The following CDK17 variants were observed in gnomAD, a reference collection of about 807,000 sequenced individuals.
CDK17 encodes cyclin dependent kinase 17, also known as cyclin-dependent kinase 17.
CDK17 carries 24 observed loss-of-function variants against 77.6 expected under a neutral mutation model. The ratio of observed to expected loss-of-function variants is 0.31; its 90% CI spans 0.22 to 0.44. CDK17 has a LOEUF of 0.44. CDK17 is among the 20% of genes least tolerant of loss of function. The probability of loss-of-function intolerance (pLI) is 1.00; values close to 1 mark genes in which losing one functional copy is unlikely to be tolerated. For synonymous variants in CDK17, 203 were observed against 210.4 expected (o/e 0.96, Z 0.30); for missense variants, 429 against 622.5 (o/e 0.69, Z 3.31).
chr12:96,316,746 CCTGT>C (rs1001414402), intron 3 of CDK17, among the ~76,000 whole-genome samples: 2 of 126,162 alleles, frequency 1.6e-5, no homozygotes, highest in African/African-American at 6.0e-5. Flanking sequence ...AGCTGAGGGT[CCTGT>C]CTGTTAGAAG....
rs146272543 is a variant in CDK17, at chr12:96,357,244, G to A, written c.-29-22379C>T. Among the ~76,000 whole-genome samples, 87 of 147,936 alleles carry A rather than the reference G, an allele frequency of 5.9e-4. No individual in the cohort carries two copies. In the East Asian group the frequency reaches 0.015, roughly 25 times the overall value. On this transcript the variant is annotated intron_variant, in intron 1 of 16. Transcript: ENST00000261211. ...TGGGAGGCTGAGGCAGGAGCATCTC[G>A]AGGCCAGGAGTTTGAGACTAGCCTA...
chr12:96,302,357 C>CG (rs1299429381), intron 5 of CDK17, among the ~76,000 whole-genome samples: 1 of 149,958 alleles, frequency 6.7e-6, no homozygotes, highest in Non-Finnish European at 1.5e-5. Flanking sequence ...ATCTTAAATA[C>CG]TTTACTCCAT....
Position 96,313,339 on chromosome 12 carries a change from A to G in CDK17, c.399T>C (p.His133=), listed in dbSNP as rs1250396685. 3 of 1,590,270 alleles carry G rather than the reference A, an allele frequency of 1.9e-6. No homozygotes were observed. The highest frequency in any genetic ancestry group is 2.6e-6 in the Non-Finnish European group (3 of 1,171,548). Residue 133 remains histidine, a synonymous_variant, in exon 4 of 17, where the codon CAT becomes CAC. Coordinates refer to ENST00000261211, the MANE Select transcript of CDK17 (RefSeq NM_002595.5). ...TGATTACCTCCATTGAGATCCGTCT[A>G]TGTATACGATTTCTGAGACAAACAC... is the stretch of plus-strand genomic sequence containing the variant. The part of the protein sequence containing the change: ...PTGVCLRNRI[H]RRISMEDLNK...
At chr12:96,301,241 CA>C (rs376295045) in intron 5 of CDK17, among the ~76,000 whole-genome samples, 412 of 85,562 alleles carry the variant, frequency 4.8e-3, no homozygotes, top group Non-Finnish European at 7.6e-3. Flanking sequence ...AACACTCGGC[CA>C]AAAAAAAAAA....
intron 5 of CDK17, among the ~76,000 whole-genome samples, chr12:96,302,396 A>C (rs1428270920): frequency 6.6e-6 from 1 of 152,132 alleles, no homozygotes; most frequent in Non-Finnish European, 1.5e-5. Context: ...AGATCACAGA[A>C]ACTAATAAAA....
At chr12:96,367,676 A>G (rs932790222) in intron 1 of CDK17, among the ~76,000 whole-genome samples, 3 of 152,122 alleles carry the variant, frequency 2.0e-5, no homozygotes, top group South Asian at 2.1e-4. Flanking sequence ...TGTGAGTCAC[A>G]GCAGAAGCAA....
At chr12:96,380,030 A>G (rs1326894959) in intron 1 of CDK17, among the ~76,000 whole-genome samples, 2 of 151,636 alleles carry the variant, frequency 1.3e-5, no homozygotes, top group Non-Finnish European at 2.9e-5. Flanking sequence ...TTAGCTGTGC[A>G]TGGTGGCACA....
intron 1 of CDK17, among the ~76,000 whole-genome samples, chr12:96,363,040 G>A (rs374811019): frequency 6.6e-6 from 1 of 152,056 alleles, no homozygotes; most frequent in African/African-American, 2.4e-5. Flanking sequence ...AATACTTGAA[G>A]GGACAAAGAT....
At chr12:96,353,605 C>CGGGGG (rs11369777) in intron 1 of CDK17, among the ~76,000 whole-genome samples, 1 of 140,938 alleles carries the variant, frequency 7.1e-6, no homozygotes, top group Admixed American at 7.7e-5. Flanking sequence ...TAAAAGGTGG[C>CGGGGG]GGGGGGGGGC....
At chr12:96,392,436 T>C (rs1954083779) in intron 1 of CDK17, among the ~76,000 whole-genome samples, 1 of 152,086 alleles carries the variant, frequency 6.6e-6, no homozygotes. Flanking sequence ...TAGATTAAAA[T>C]GGGACAAAAC....
At chr12:96,304,307 G>C (rs1952548316) in intron 5 of CDK17, among the ~76,000 whole-genome samples, 1 of 152,180 alleles carries the variant, frequency 6.6e-6, no homozygotes, top group Non-Finnish European at 1.5e-5. Flanking sequence ...CGGAGGCCGA[G>C]AAGGGCGGAT....
Position 96,280,254 on chromosome 12 carries a change from G to A in CDK17, c.1560C>T (p.Ser520=). The A allele has an allele frequency of 6.4e-7, 1 of 1,551,162 alleles. No homozygotes were observed. The highest frequency in any genetic ancestry group is 8.7e-7 in the Non-Finnish European group (1 of 1,146,712). Residue 520 remains serine, a synonymous_variant, in exon 17 of 17, where the codon AGC becomes AGT. Transcript: ENST00000261211. ...ETGHGKNRRQ[S]MLF is the part of the protein sequence containing the mutation. ...CATGTTATCAGACTTAAAAGAGCAT[G>A]CTCTGTCTTCTGTTCTTCCCATGTC...
intron 4 of CDK17, among the ~76,000 whole-genome samples, chr12:96,312,899 C>T (rs2137107307): frequency 6.6e-6 from 1 of 152,168 alleles, no homozygotes; most frequent in East Asian, 1.9e-4. Context: ...TTTATTTATA[C>T]CTCTTAAAAT....
chr12:96,362,359 C>A (rs1953505628), intron 1 of CDK17, among the ~76,000 whole-genome samples: 1 of 152,048 alleles, frequency 6.6e-6, no homozygotes, highest in African/African-American at 2.4e-5. Context: ...GCTGGTATTA[C>A]AGGCATACAC....
At chr12:96,372,446 A>G (rs1346547972) in intron 1 of CDK17, among the ~76,000 whole-genome samples, 1 of 152,152 alleles carries the variant, frequency 6.6e-6, no homozygotes, top group African/African-American at 2.4e-5. Flanking sequence ...GGTGGGAGGC[A>G]CTCTAATCCT....
chr12:96,333,126 G>A (rs1333047912), intron 2 of CDK17, among the ~76,000 whole-genome samples: 3 of 151,512 alleles, frequency 2.0e-5, no homozygotes, highest in South Asian at 4.2e-4. Flanking sequence ...GGCACACTGC[G>A]CTTCCCACCA....
intron 2 of CDK17, among the ~76,000 whole-genome samples, chr12:96,332,790 T>G (rs989895041): frequency 1.3e-5 from 2 of 152,232 alleles, no homozygotes; most frequent in African/African-American, 4.8e-5. Flanking sequence ...TAAAAGTTAC[T>G]ACTGTAATAA....
intron 15 of CDK17, among the ~76,000 whole-genome samples, chr12:96,281,570 T>C (rs1279864175): frequency 6.6e-6 from 1 of 152,222 alleles, no homozygotes; most frequent in Non-Finnish European, 1.5e-5. Context: ...GGTTTCCCCA[T>C]GTTGGTCAGC....
At chr12:96,397,741 G>A (rs1954194214) in intron 1 of CDK17, among the ~76,000 whole-genome samples, 1 of 152,016 alleles carries the variant, frequency 6.6e-6, no homozygotes, top group South Asian at 2.1e-4. Context: ...ATTCGATACT[G>A]ATAAATATGC....
Sources: gnomAD v4.1 joint callset for allele counts (sites outside exome capture counted in the v4.1 genomes callset) on GRCh38, gnomAD v4.1.1 for gene constraint, MANE v1.5 for transcripts, NCBI Gene and HGNC (gene_info 2026-07-23, HGNC 2026-07-21) for gene names.